Variants in ELMO1 observed in about 807,000 individuals in gnomAD.
ELMO1 encodes engulfment and cell motility protein 1.
A neutral mutation model predicts 98.9 loss-of-function variants in ELMO1; 26 were observed. The ratio of observed to expected loss-of-function variants is 0.26; its 90% CI spans 0.19 to 0.36. The LOEUF (loss-of-function observed/expected upper bound fraction) is 0.36, where lower values mean the gene tolerates loss of function less well. Ranked by LOEUF, ELMO1 falls within the 10% of genes least tolerant of loss-of-function variation. The probability of loss-of-function intolerance (pLI) is 1.00; values close to 1 mark genes in which losing one functional copy is unlikely to be tolerated. For missense variants in ELMO1, 627 were observed against 935.2 expected, an observed-to-expected ratio of 0.67 and a Z score of 4.30; for synonymous variants, 346 against 346.0, an observed-to-expected ratio of 1.00 and a Z score of 0.00.
At chr7:37,104,380 G>A (rs961250739) in intron 14 of ELMO1, among the ~76,000 whole-genome samples, 4 of 152,058 alleles carry the variant, frequency 2.6e-5, no homozygotes, top group African/African-American at 9.7e-5. Flanking sequence ...ACTGAACGCA[G>A]GCTGCTGGGA....
intron 14 of ELMO1, among the ~76,000 whole-genome samples, chr7:37,104,859 A>G (rs896635063): frequency 2.6e-5 from 4 of 152,202 alleles, no homozygotes; most frequent in Admixed American, 6.5e-5. Context: ...GGAAAAAAAA[A>G]AAGAAAAGAA....
intron 4 of ELMO1, 118 bp downstream of exon 4, chr7:37,314,732 C>T (rs1276160597): frequency 5.0e-6 from 4 of 793,994 alleles, no homozygotes; most frequent in Non-Finnish European, 5.9e-6. Flanking sequence ...ACTCTATTTT[C>T]GTGGATAGTA....
At chr7:37,354,868 A>C (rs1275709218) in intron 1 of ELMO1, among the ~76,000 whole-genome samples, 1 of 152,148 alleles carries the variant, frequency 6.6e-6, no homozygotes, top group Non-Finnish European at 1.5e-5. Flanking sequence ...AAAAAACAAT[A>C]TGTGAAACTT....
At chr7:37,285,685 A>G (rs984535821) in intron 4 of ELMO1, among the ~76,000 whole-genome samples, 1 of 152,218 alleles carries the variant, frequency 6.6e-6, no homozygotes, top group Admixed American at 6.5e-5. Context: ...AAAGAAGGGG[A>G]AAAAAGCAGG....
chr7:37,177,198 A>G (rs1352430276), intron 13 of ELMO1, among the ~76,000 whole-genome samples: 1 of 152,236 alleles, frequency 6.6e-6, no homozygotes, highest in Non-Finnish European at 1.5e-5. Context: ...CAAATCTGAG[A>G]TTTCATTTTC....
intron 6 of ELMO1, 58 bp downstream of exon 6, chr7:37,259,123 T>C: frequency 4.5e-6 from 7 of 1,541,996 alleles, no homozygotes; most frequent in Non-Finnish European, 6.1e-6. Context: ...CATGTAACAA[T>C]ATTCAAAACG....
intron 14 of ELMO1, among the ~76,000 whole-genome samples, chr7:37,126,120 G>T (rs920420216): frequency 4.6e-5 from 7 of 151,840 alleles, no homozygotes; most frequent in Non-Finnish European, 7.4e-5. Context: ...ACACAGGAAG[G>T]GGGACATCAC....
chr7:36,941,564 G>C (rs900682002), intron 16 of ELMO1, among the ~76,000 whole-genome samples: 1 of 152,222 alleles, frequency 6.6e-6, no homozygotes, highest in African/African-American at 2.4e-5. Context: ...ATTTGGTCAT[G>C]TGAGGCCTTT....
intron 15 of ELMO1, among the ~76,000 whole-genome samples, chr7:37,032,587 C>T (rs1321286393): frequency 2.0e-5 from 3 of 152,148 alleles, no homozygotes; most frequent in Admixed American, 6.5e-5. Flanking sequence ...GGTTATAATA[C>T]CCAAAGCCTT....
intron 13 of ELMO1, among the ~76,000 whole-genome samples, chr7:37,188,501 A>AAAAAAAATAAT (rs764889756): frequency 7.9e-6 from 1 of 125,960 alleles, no homozygotes; most frequent in African/African-American, 3.0e-5. Context: ...AAAAAAAAAA[A>AAAAAAAATAAT]AATAATAATA....
chr7:37,036,367 AATTT>A (rs764542779), intron 15 of ELMO1, among the ~76,000 whole-genome samples: 7 of 151,948 alleles, frequency 4.6e-5, no homozygotes, highest in Non-Finnish European at 1.0e-4. Flanking sequence ...GATTGTTACT[AATTT>A]ATTTATTTAT....
intron 13 of ELMO1, among the ~76,000 whole-genome samples, chr7:37,202,636 A>C (rs985248747): frequency 6.6e-6 from 1 of 152,212 alleles, no homozygotes; most frequent in African/African-American, 2.4e-5. Context: ...GTAAGTTATA[A>C]TACTTCCCCT....
At chr7:36,868,311 T>C (rs1677783564) in intron 20 of ELMO1, among the ~76,000 whole-genome samples, 2 of 151,292 alleles carry the variant, frequency 1.3e-5, no homozygotes, top group African/African-American at 4.9e-5. Flanking sequence ...AACTTGTTGA[T>C]TTCCGCTTTG....
At chr7:36,949,263 G>A (rs1024692468) in intron 16 of ELMO1, among the ~76,000 whole-genome samples, 5 of 152,148 alleles carry the variant, frequency 3.3e-5, no homozygotes, top group African/African-American at 9.7e-5. Context: ...AACTGGAAAC[G>A]GCACCACTTC....
At chr7:36,860,595 A>T (rs1027308692) in intron 21 of ELMO1, among the ~76,000 whole-genome samples, 5 of 152,222 alleles carry the variant, frequency 3.3e-5, no homozygotes, top group African/African-American at 4.8e-5. Flanking sequence ...TTTAAATAAC[A>T]TCCAAAGTTC....
intron 16 of ELMO1, among the ~76,000 whole-genome samples, chr7:36,962,381 G>A (rs753577604): frequency 2.0e-5 from 3 of 152,210 alleles, no homozygotes; most frequent in Non-Finnish European, 4.4e-5. Context: ...AATGCATCAT[G>A]AGATTGACAT....
intron 16 of ELMO1, among the ~76,000 whole-genome samples, chr7:36,954,968 C>A (rs1788321577): frequency 6.6e-6 from 1 of 152,212 alleles, no homozygotes; most frequent in Admixed American, 6.5e-5. Flanking sequence ...ATTCATCCCA[C>A]AACCCGTGAC....
intron 6 of ELMO1, among the ~76,000 whole-genome samples, chr7:37,253,871 C>G (rs1423035764): frequency 6.6e-6 from 1 of 152,112 alleles, no homozygotes; most frequent in South Asian, 2.1e-4. Flanking sequence ...GCTTAGGAAA[C>G]GACCACCTTC....
intron 1 of ELMO1, among the ~76,000 whole-genome samples, chr7:37,352,812 T>C (rs1801331569): frequency 6.6e-6 from 1 of 152,218 alleles, no homozygotes; most frequent in South Asian, 2.1e-4. Context: ...CAACGGAAGA[T>C]AAAACAGTAA....
Sources: allele counts gnomAD v4.1 joint callset (sites outside exome capture counted in the v4.1 genomes callset), GRCh38; gene constraint gnomAD v4.1.1; transcripts MANE v1.5; gene names NCBI Gene and HGNC (gene_info 2026-07-23, HGNC 2026-07-21).